Variants in NRG3 observed in about 807,000 individuals in gnomAD.
NRG3 encodes neuregulin 3, also known as pro-neuregulin-3, membrane-bound isoform.
In NRG3, 31 loss-of-function variants were observed where a neutral mutation model predicts 66.9. That is an observed-to-expected ratio of 0.46 (90% confidence interval 0.35 to 0.63). The LOEUF is 0.63. NRG3 is among the 20% of genes least tolerant of loss of function. The pLI is 0.00. For missense variants in NRG3, 910 were observed against 878.9 expected (o/e 1.04, Z -0.45); for synonymous variants, 393 against 359.4 (o/e 1.09, Z -1.06).
chr10:82,851,276 TACAC>T (rs2063546854), intron 3 of NRG3, among the ~76,000 whole-genome samples: 1 of 152,166 alleles, frequency 6.6e-6, no homozygotes, highest in Admixed American at 6.5e-5. Flanking sequence ...AGGCATGACT[TACAC>T]AGGGCCTAAG....
chr10:82,017,864 A>G (rs1316305154), intron 1 of NRG3, among the ~76,000 whole-genome samples: 1 of 152,116 alleles, frequency 6.6e-6, no homozygotes, highest in African/African-American at 2.4e-5. Context: ...AGTAGATTGC[A>G]AAAATTTTCT....
intron 1 of NRG3, among the ~76,000 whole-genome samples, chr10:82,025,510 T>C (rs1311606575): frequency 6.6e-6 from 1 of 151,962 alleles, no homozygotes; most frequent in African/African-American, 2.4e-5. Context: ...AATAGAGAAA[T>C]GCTGGTCAAA....
intron 2 of NRG3, among the ~76,000 whole-genome samples, chr10:82,505,999 G>A (rs764755390): frequency 1.3e-5 from 2 of 152,238 alleles, no homozygotes; most frequent in African/African-American, 4.8e-5. Flanking sequence ...TGTAATCCCA[G>A]CACTTTGGGA....
At chr10:82,052,031 A>ATTT (rs34567293) in intron 1 of NRG3, among the ~76,000 whole-genome samples, 39 of 144,812 alleles carry the variant, frequency 2.7e-4, no homozygotes, top group African/African-American at 9.7e-4. Context: ...ACCGCATTAG[A>ATTT]TTTTTTTTTT....
intron 1 of NRG3, among the ~76,000 whole-genome samples, chr10:82,014,841 G>T (rs1407271294): frequency 2.6e-5 from 4 of 152,128 alleles, no homozygotes; most frequent in Non-Finnish European, 5.9e-5. Context: ...AGGCTAGAAA[G>T]AGGAAGGGAG....
intron 1 of NRG3, among the ~76,000 whole-genome samples, chr10:82,012,058 AGAGGTTCTCC>A (rs1428089545): frequency 6.6e-6 from 1 of 152,216 alleles, no homozygotes; most frequent in Non-Finnish European, 1.5e-5. Flanking sequence ...CTGCCCTAGC[AGAGGTTCTCC>A]GTGAGGGCCT....
chr10:82,616,935 A>AT (rs757894120), intron 2 of NRG3, among the ~76,000 whole-genome samples: 46 of 152,198 alleles, frequency 3.0e-4, no homozygotes, highest in Non-Finnish European at 5.6e-4. Flanking sequence ...TTTACTTTGT[A>AT]TATGGAAAAA....
intron 2 of NRG3, among the ~76,000 whole-genome samples, chr10:82,586,660 T>G (rs1178694782): frequency 1.3e-5 from 2 of 152,210 alleles, no homozygotes; most frequent in African/African-American, 4.8e-5. Context: ...AATATATTTC[T>G]TAACTGGTGA....
intron 2 of NRG3, among the ~76,000 whole-genome samples, chr10:82,597,243 A>G (rs964941348): frequency 6.6e-6 from 1 of 152,180 alleles, no homozygotes; most frequent in African/African-American, 2.4e-5. Flanking sequence ...AGATATAGGA[A>G]GGATTTGGCA....
At chr10:81,962,241 C>G (rs1850432377) in intron 1 of NRG3, among the ~76,000 whole-genome samples, 1 of 152,174 alleles carries the variant, frequency 6.6e-6, no homozygotes, top group Non-Finnish European at 1.5e-5. Context: ...AATTGTGGAG[C>G]TTAATACCCA....
At chr10:82,946,775 AT>A (rs1849068178) in intron 4 of NRG3, among the ~76,000 whole-genome samples, 1 of 152,182 alleles carries the variant, frequency 6.6e-6, no homozygotes, top group South Asian at 2.1e-4. Context: ...CATATATATG[AT>A]TTAATTTATA....
chr10:82,879,467 C>CTT (rs201614818), intron 4 of NRG3, among the ~76,000 whole-genome samples: 10,385 of 120,788 alleles, frequency 0.086, 776 homozygotes, highest in Non-Finnish European at 0.12. Flanking sequence ...CTAATGAAGA[C>CTT]TTTTTTTTTT....
intron 2 of NRG3, among the ~76,000 whole-genome samples, chr10:82,455,869 C>A (rs2091244715): frequency 6.6e-6 from 1 of 152,108 alleles, no homozygotes; most frequent in South Asian, 2.1e-4. Flanking sequence ...CCGCCCACTT[C>A]TGCCTCCCAA....
chr10:82,284,101 G>A (rs1292102799), intron 1 of NRG3, among the ~76,000 whole-genome samples: 2 of 152,162 alleles, frequency 1.3e-5, no homozygotes, highest in African/African-American at 4.8e-5. Flanking sequence ...CCCATTGTAT[G>A]CCACCTGATG....
intron 1 of NRG3, among the ~76,000 whole-genome samples, chr10:81,886,519 A>G (rs1254359244): frequency 6.6e-6 from 1 of 152,130 alleles, no homozygotes; most frequent in Non-Finnish European, 1.5e-5. Flanking sequence ...TTGCACTTGT[A>G]TTGTTTCACA....
intron 1 of NRG3, among the ~76,000 whole-genome samples, chr10:82,337,664 G>T (rs1317905705): frequency 6.6e-6 from 1 of 152,018 alleles, no homozygotes; most frequent in East Asian, 1.9e-4. Context: ...CGTTCTAATG[G>T]GTGTGAAGTG....
At chr10:82,713,075 G>A (rs965192975) in intron 2 of NRG3, among the ~76,000 whole-genome samples, 3 of 126,994 alleles carry the variant, frequency 2.4e-5, no homozygotes, top group African/African-American at 8.8e-5. Context: ...AGCCAAGATC[G>A]TGCCACTGCA....
At chr10:81,918,471 G>A (rs969279359) in intron 1 of NRG3, among the ~76,000 whole-genome samples, 3 of 152,014 alleles carry the variant, frequency 2.0e-5, no homozygotes, top group African/African-American at 7.2e-5. Context: ...TTTTTATCAC[G>A]TACAAAAGAA....
intron 2 of NRG3, among the ~76,000 whole-genome samples, chr10:82,677,843 C>A (rs775301472): frequency 1.3e-5 from 2 of 152,120 alleles, no homozygotes; most frequent in African/African-American, 4.8e-5. Flanking sequence ...CACTGTTTGA[C>A]GTTTGTCTTG....
Sources: allele counts gnomAD v4.1 joint callset (sites outside exome capture counted in the v4.1 genomes callset), GRCh38; gene constraint gnomAD v4.1.1; transcripts MANE v1.5; gene names NCBI Gene and HGNC (gene_info 2026-07-23, HGNC 2026-07-21).